ZBTB38: variants seen among roughly 807,000 people sequenced by gnomAD.
The protein encoded by ZBTB38 is zinc finger and BTB domain-containing protein 38.
Under a neutral mutation model 76.8 loss-of-function variants are expected in ZBTB38, and 20 were observed. That is an observed-to-expected ratio of 0.26 (90% CI 0.18 to 0.38). The LOEUF (loss-of-function observed/expected upper bound fraction) is 0.38. ZBTB38 is among the 10% of genes least tolerant of loss of function. The pLI, the probability that ZBTB38 is intolerant of heterozygous loss-of-function variation, is 1.00. For synonymous variants in ZBTB38, 504 were observed against 544.2 expected, an observed-to-expected ratio of 0.93 and a Z score of 1.03; for missense variants, 1,082 against 1,482.3, an observed-to-expected ratio of 0.73 and a Z score of 4.43.
intron 1 of ZBTB38, among the ~76,000 whole-genome samples, chr3:141,338,349 T>A (rs1367557556): frequency 2.0e-5 from 3 of 152,222 alleles, no homozygotes; most frequent in Non-Finnish European, 4.4e-5. Flanking sequence ...CATGGATGCA[T>A]GTTTATCGCA....
At chr3:141,397,428 G>T (rs565515353) in intron 4 of ZBTB38, among the ~76,000 whole-genome samples, 6 of 152,042 alleles carry the variant, frequency 3.9e-5, no homozygotes, top group Non-Finnish European at 7.4e-5. Context: ...CAGCAATAAG[G>T]CTTTCTTATC....
intron 3 of ZBTB38, chr3:141,386,173 G>T (rs1423349253): frequency 6.6e-6 from 1 of 152,128 alleles, no homozygotes; most frequent in African/African-American, 2.4e-5. Flanking sequence ...TGTTCTGAAC[G>T]CATACAGTAT....
At chr3:141,435,715 G>A (rs1032940586) in intron 5 of ZBTB38, among the ~76,000 whole-genome samples, 23 of 150,688 alleles carry the variant, frequency 1.5e-4, no homozygotes, top group Admixed American at 2.6e-4. Context: ...AGCCAAGATC[G>A]CACCACTGCA....
chr3:141,400,116 T>C (rs1014573730), intron 4 of ZBTB38, among the ~76,000 whole-genome samples: 1 of 150,476 alleles, frequency 6.6e-6, no homozygotes, highest in Non-Finnish European at 1.5e-5. Flanking sequence ...TTATGACAAC[T>C]TGGGCCCTTC....
chr3:141,403,437 T>C (rs1169197450), intron 4 of ZBTB38, among the ~76,000 whole-genome samples: 2 of 152,212 alleles, frequency 1.3e-5, no homozygotes, highest in Non-Finnish European at 2.9e-5. Context: ...GGGTTGCTAC[T>C]GGAAATCTTC....
chr3:141,352,639 T>C (rs1943550765), intron 1 of ZBTB38, among the ~76,000 whole-genome samples: 1 of 151,936 alleles, frequency 6.6e-6, no homozygotes, highest in South Asian at 2.1e-4. Flanking sequence ...CAAAATGAAT[T>C]ATAGGCATAA....
At chr3:141,377,139 G>A (rs879550108) in intron 2 of ZBTB38, among the ~76,000 whole-genome samples, 5 of 152,242 alleles carry the variant, frequency 3.3e-5, no homozygotes, top group Non-Finnish European at 7.3e-5. Flanking sequence ...GCTGGGCCAA[G>A]AGGCACTGCC....
chr3:141,440,583 G>GAAT (rs764250272), intron 5 of ZBTB38, among the ~76,000 whole-genome samples: 2 of 152,202 alleles, frequency 1.3e-5, no homozygotes, highest in African/African-American at 2.4e-5. Flanking sequence ...TCTTAATACA[G>GAAT]AATAGCACAG....
chr3:141,353,895 G>A (rs538361494), intron 1 of ZBTB38, among the ~76,000 whole-genome samples: 8 of 152,194 alleles, frequency 5.3e-5, no homozygotes, highest in East Asian at 1.9e-4. Context: ...TTGTTCCTCC[G>A]GCAAGTGTGG....
rs2080483842 is a variant in ZBTB38, at chr3:141,442,407, T to G, written c.19T>G (p.Ser7Ala). 2 of 1,612,902 alleles carry G rather than the reference T, an allele frequency of 1.2e-6. No individual in the cohort carries two copies. The highest frequency in any genetic ancestry group is 8.5e-7 in the Non-Finnish European group (1 of 1,179,012). ...GTTTCAGATGACAGTCATGTCCCTT[T>G]CCAGGGACCTCAAGGACGACTTTCA... MTVMSL[S>A]RDLKDDFHSD... Residue 7 changes from serine to alanine, a missense_variant, in exon 6 of 6, where the codon TCC (serine) becomes GCC (alanine). This residue lies in a region of ZBTB38 where 68 missense variants were observed against 153.0 expected (regional missense o/e 0.44). Transcript: ENST00000321464. This position sits in a 1 kb window ranked among gnomAD's most constrained non-coding sequence, Gnocchi z 6.4.
chr3:141,433,332 T>G lies in ZBTB38; in HGVS notation c.1-9057T>G, dbSNP rs962175236. ...TTGTTTTGACTTTTGTTTTGTTTTT[T>G]TTTGTTTTTTTTGGTTAGCACAGCA... On this transcript the variant is annotated intron_variant, in intron 5 of 5. Transcript: ENST00000321464. Among the ~76,000 whole-genome samples the G allele has an allele frequency of 2.0e-5, 3 of 151,482 alleles. No homozygotes were observed. The South Asian group carries it at 6.2e-4, about 31-fold the overall frequency.
chr3:141,352,316 G>C (rs1943540368), intron 1 of ZBTB38, among the ~76,000 whole-genome samples: 1 of 152,022 alleles, frequency 6.6e-6, no homozygotes, highest in African/African-American at 2.4e-5. Context: ...GCCTCCTTCT[G>C]GGGTTACACA....
intron 5 of ZBTB38, among the ~76,000 whole-genome samples, chr3:141,436,598 A>G (rs1388935031): frequency 1.3e-5 from 2 of 152,122 alleles, no homozygotes; most frequent in East Asian, 3.8e-4. Flanking sequence ...CCCAGGTTCA[A>G]GCGATTCTCC....
At chr3:141,395,226 G>A (rs902670666) in intron 4 of ZBTB38, among the ~76,000 whole-genome samples, 1 of 152,182 alleles carries the variant, frequency 6.6e-6, no homozygotes, top group African/African-American at 2.4e-5. Flanking sequence ...CAGGAACAAG[G>A]AAATAACATA....
At chr3:141,344,921 TG>T (rs1943301884) in intron 1 of ZBTB38, among the ~76,000 whole-genome samples, 1 of 152,228 alleles carries the variant, frequency 6.6e-6, no homozygotes, top group South Asian at 2.1e-4. Flanking sequence ...TGGACATCTT[TG>T]GGGGTCCATT....
chr3:141,410,792 G>C (rs994013489), intron 5 of ZBTB38, among the ~76,000 whole-genome samples: 1 of 152,174 alleles, frequency 6.6e-6, no homozygotes, highest in Non-Finnish European at 1.5e-5. Context: ...TTCCTAAGCT[G>C]TATTATAACT....
chr3:141,444,505 T>C lies in ZBTB38; in HGVS notation c.2117T>C (p.Val706Ala). The change falls in exon 6 of 6, where the codon GTG becomes GCG. Residue 706 changes from valine to alanine, a missense_variant. Around this residue, in one of 8 missense-constraint regions of ZBTB38, gnomAD observed 471 missense variants for 581.0 expected, o/e 0.81. Coordinates refer to ENST00000321464, the MANE Select transcript of ZBTB38 (RefSeq NM_001376113.1). The surrounding 1 kb of genome is among the most constrained non-coding windows in gnomAD (Gnocchi z 5.1). ...LSNSSENAAS[V>A]ISYSGSAPSV... Reference sequence around the variant, plus strand: ...AATAGCAGTGAGAATGCCGCCTCTGTGATCAGCTACAGTGGCTCTGCACCC... The same window carrying C: ...AATAGCAGTGAGAATGCCGCCTCTGCGATCAGCTACAGTGGCTCTGCACCC... The C allele has an allele frequency of 6.2e-7, 1 of 1,614,164 alleles. No homozygotes were observed. Among genetic ancestry groups the C allele is most frequent in the Non-Finnish European group, 8.5e-7 (1 of 1,180,028 alleles).
chr3:141,359,272 A>G (rs1943752060), intron 1 of ZBTB38, among the ~76,000 whole-genome samples: 1 of 152,174 alleles, frequency 6.6e-6, no homozygotes, highest in Admixed American at 6.5e-5. Context: ...TCTTCATACA[A>G]TTGCCTACAG....
intron 1 of ZBTB38, among the ~76,000 whole-genome samples, chr3:141,359,643 A>G (rs1943763771): frequency 6.6e-6 from 1 of 152,150 alleles, no homozygotes; most frequent in African/African-American, 2.4e-5. Flanking sequence ...CAATAAAAAG[A>G]TAATGGGCCA....
Sources: allele counts gnomAD v4.1 joint callset (sites outside exome capture counted in the v4.1 genomes callset), GRCh38; gene constraint gnomAD v4.1.1; regional missense constraint gnomAD v4.1.1; non-coding constraint Gnocchi (gnomAD v3.1); transcripts MANE v1.5; gene names NCBI Gene and HGNC (gene_info 2026-07-23, HGNC 2026-07-21).